Variants in SLIT3 observed in about 807,000 individuals in gnomAD.
SLIT3 encodes the protein slit homolog 3 protein.
A neutral mutation model predicts 184.0 loss-of-function variants in SLIT3; 68 were observed. That is an observed-to-expected ratio of 0.37 (90% CI 0.30 to 0.45). SLIT3 has a LOEUF of 0.45. Ranked by LOEUF, SLIT3 falls within the 20% of genes least tolerant of loss-of-function variation. The pLI is 1.00. For missense variants in SLIT3, 1,707 were observed against 2,026.0 expected (o/e 0.84, Z 3.02); for synonymous variants, 831 against 828.6 (o/e 1.00, Z -0.05).
At chr5:168,835,017 T>A (rs1205362998) in intron 6 of SLIT3, among the ~76,000 whole-genome samples, 1 of 152,166 alleles carries the variant, frequency 6.6e-6, no homozygotes, top group South Asian at 2.1e-4. Context: ...AGTTTCTCAG[T>A]TGTGTAAGAT....
intron 1 of SLIT3, among the ~76,000 whole-genome samples, chr5:169,281,266 C>G (rs775325057): frequency 3.9e-5 from 6 of 152,184 alleles, no homozygotes; most frequent in Non-Finnish European, 7.3e-5. Context: ...ATCATGAGGT[C>G]AGGTGATCGA....
At chr5:169,002,597 T>A (rs1453910928) in intron 4 of SLIT3, among the ~76,000 whole-genome samples, 1 of 152,080 alleles carries the variant, frequency 6.6e-6, no homozygotes, top group East Asian at 1.9e-4. Context: ...TGAGTGAGTA[T>A]GGGAATGGCA....
chr5:169,257,208 T>C (rs898644257), intron 1 of SLIT3, among the ~76,000 whole-genome samples: 2 of 152,104 alleles, frequency 1.3e-5, no homozygotes, highest in African/African-American at 4.8e-5. Context: ...GCCTGAGGAA[T>C]AAAACTTTCT....
intron 20 of SLIT3, among the ~76,000 whole-genome samples, chr5:168,747,392 G>A (rs1424757246): frequency 1.3e-5 from 2 of 152,148 alleles, no homozygotes; most frequent in East Asian, 3.8e-4. Context: ...CATTTTGCTC[G>A]CCATTGTCTC....
intron 5 of SLIT3, among the ~76,000 whole-genome samples, chr5:168,854,048 G>T (rs1444085508): frequency 1.3e-5 from 2 of 152,098 alleles, no homozygotes; most frequent in African/African-American, 2.4e-5. Flanking sequence ...GAAAACCGAG[G>T]TTCAGAGAGG....
At chr5:169,038,281 T>C (rs1379723275) in intron 4 of SLIT3, among the ~76,000 whole-genome samples, 2 of 152,218 alleles carry the variant, frequency 1.3e-5, no homozygotes, top group Non-Finnish European at 2.9e-5. Flanking sequence ...CCTGGTACAA[T>C]AGGGAGCAAA....
At chr5:168,692,486 G>A (rs1304863088) in intron 29 of SLIT3, 121 bp downstream of exon 29, 7 of 645,006 alleles carry the variant, frequency 1.1e-5, no homozygotes, top group Non-Finnish European at 1.9e-5. Context: ...AATCAGAGAT[G>A]CAGAGAAGCA....
chr5:168,708,367 C>G, intron 25 of SLIT3: 1 of 522,320 alleles, frequency 1.9e-6, no homozygotes, highest in Non-Finnish European at 3.4e-6. Context: ...TAGCCTGATC[C>G]GATTTTGGTG....
intron 20 of SLIT3, among the ~76,000 whole-genome samples, chr5:168,726,181 C>T (rs1239940331): frequency 1.3e-5 from 2 of 151,766 alleles, no homozygotes; most frequent in Non-Finnish European, 2.9e-5. Context: ...TTAGATTGTG[C>T]CCTCAGACAG....
intron 4 of SLIT3, among the ~76,000 whole-genome samples, chr5:169,109,199 A>T (rs1302508547): frequency 6.6e-6 from 1 of 152,192 alleles, no homozygotes; most frequent in Non-Finnish European, 1.5e-5. Context: ...AGGTTGCATG[A>T]GACTCTGTCT....
chr5:169,243,260 G>T (rs563629926), intron 3 of SLIT3, among the ~76,000 whole-genome samples: 4 of 151,916 alleles, frequency 2.6e-5, no homozygotes, highest in Non-Finnish European at 5.9e-5. Flanking sequence ...CTAAGCAAGG[G>T]GTGGCCTTTT....
intron 12 of SLIT3, among the ~76,000 whole-genome samples, chr5:168,783,466 CCA>C (rs568283365): frequency 2.6e-5 from 4 of 152,026 alleles, no homozygotes; most frequent in South Asian, 2.1e-4. Context: ...TACAATGTAC[CCA>C]CTTTATTACC....
chr5:168,995,475 T>C (rs1324393884), intron 4 of SLIT3: 1 of 152,218 alleles, frequency 6.6e-6, no homozygotes. Flanking sequence ...CTAAATCTAG[T>C]TTGTCTTCCC....
chr5:169,131,982 GC>G lies in SLIT3; in HGVS notation c.413+61496del, dbSNP rs567879565. Among the ~76,000 whole-genome samples, 41 of 152,284 alleles carry G rather than the reference GC, an allele frequency of 2.7e-4. 2 individuals are homozygous for G. The South Asian group carries it at 7.7e-3, about 28-fold the overall frequency. ...ATGAAGCCACATGGTAAAGATGGTA[GC>G]CCAGGCAGACAGAAGGAGCCTGGGT... On this transcript the variant is annotated intron_variant, in intron 4 of 35. Transcript: ENST00000519560.
At chr5:168,807,544 G>C (rs1757012944) in intron 8 of SLIT3, among the ~76,000 whole-genome samples, 1 of 151,984 alleles carries the variant, frequency 6.6e-6, no homozygotes, top group South Asian at 2.1e-4. Context: ...TCCCTCCCAG[G>C]ACCTCATCCT....
intron 4 of SLIT3, among the ~76,000 whole-genome samples, chr5:168,993,528 G>C (rs1003629740): frequency 6.6e-6 from 1 of 152,340 alleles, no homozygotes; most frequent in Non-Finnish European, 1.5e-5. Flanking sequence ...TCTCTCTGTG[G>C]GCTCAATGTG....
chr5:169,131,788 T>A (rs1252893069), intron 4 of SLIT3, among the ~76,000 whole-genome samples: 1 of 152,218 alleles, frequency 6.6e-6, no homozygotes, highest in East Asian at 1.9e-4. Flanking sequence ...ATTGAGGCTG[T>A]AAAGCAAAAG....
chr5:169,252,952 A>G (rs1765827840), intron 1 of SLIT3, among the ~76,000 whole-genome samples: 1 of 152,222 alleles, frequency 6.6e-6, no homozygotes, highest in African/African-American at 2.4e-5. Flanking sequence ...GTAACCTCAC[A>G]CAGGTACCTC....
At chr5:169,120,752 C>G (rs762826372) in intron 4 of SLIT3, among the ~76,000 whole-genome samples, 2 of 152,170 alleles carry the variant, frequency 1.3e-5, no homozygotes, top group Non-Finnish European at 2.9e-5. Context: ...CCTACCTGTG[C>G]TCAGCCCCCA....
Sources: gnomAD v4.1 joint callset for allele counts (sites outside exome capture counted in the v4.1 genomes callset) on GRCh38, gnomAD v4.1.1 for gene constraint, MANE v1.5 for transcripts, NCBI Gene and HGNC (gene_info 2026-07-23, HGNC 2026-07-21) for gene names.